BACH1: variants seen among roughly 807,000 people sequenced by gnomAD.
BACH1 encodes the protein transcription regulator protein BACH1.
BACH1 carries 35 observed loss-of-function variants against 52.9 expected under a neutral mutation model. The ratio of observed to expected loss-of-function variants is 0.66; its 90% CI spans 0.51 to 0.88. The LOEUF is 0.88. Ranked by LOEUF, BACH1 falls within the 40% of genes least tolerant of loss-of-function variation. The pLI is 0.00. For missense variants in BACH1, 808 were observed against 872.6 expected (o/e 0.93, Z 0.93); for synonymous variants, 321 against 319.6 (o/e 1.00, Z -0.05).
Position 29,344,984 on chromosome 21 carries a change from A to C in BACH1, c.*2151A>C, listed in dbSNP as rs1226660154. ...ATATAATTTGTAAAGCACTTGGTTT[A>C]AATTTCTCTCTACCTATAAACAGTT... On this transcript the variant is annotated 3_prime_UTR_variant, in exon 5 of 5. Coordinates refer to ENST00000286800, the MANE Select transcript of BACH1 (RefSeq NM_001186.4). 13 of 152,624 alleles carry C rather than the reference A, an allele frequency of 8.5e-5. No individual in the cohort carries two copies. Among genetic ancestry groups the C allele is most frequent in the Admixed American group, 7.2e-4 (11 of 15,284 alleles). The allele number at this position is 152,624 out of a possible 1,614,324, so 9.5% of individuals were successfully genotyped here. A position where few individuals can be genotyped will look rare whatever the true frequency, so the allele number is the denominator to read the frequency against.
At chr21:29,302,016 G>A (rs1178508328) in intron 1 of BACH1, among the ~76,000 whole-genome samples, 1 of 152,168 alleles carries the variant, frequency 6.6e-6, no homozygotes, top group Non-Finnish European at 1.5e-5. Flanking sequence ...TGCAAAGCCC[G>A]TTAAAATTAC....
downstream of BACH1, among the ~76,000 whole-genome samples, chr21:29,347,365 G>C (rs890377158): frequency 2.0e-5 from 3 of 152,202 alleles, no homozygotes; most frequent in African/African-American, 7.2e-5. Context: ...AGTAAGGGGT[G>C]GGCCGAGCCA....
chr21:29,336,210 A>T (rs141667940), intron 4 of BACH1, among the ~76,000 whole-genome samples: 1 of 152,198 alleles, frequency 6.6e-6, no homozygotes, highest in African/African-American at 2.4e-5. Flanking sequence ...TGGATTTCTC[A>T]TAAATGTCTT....
intron 2 of BACH1, among the ~76,000 whole-genome samples, chr21:29,356,580 C>T (rs900901461): frequency 1.8e-4 from 27 of 152,334 alleles, no homozygotes; most frequent in African/African-American, 6.0e-4. Context: ...AAGGGAGTTC[C>T]TCCTAGATCT....
rs774968854 is a variant in BACH1, at chr21:29,321,410, C to A, written c.130C>A (p.Arg44=). The change falls in exon 2 of 5, where the codon CGG becomes AGG. Residue 44 remains arginine, a synonymous_variant. Transcript: ENST00000286800. The stretch of plus-strand genomic sequence containing the variant: ...TGTCACCATCTTTGTGGAGGGACAG[C>A]GGTTCCGCGCTCACCGGTCCGTGCT... ...CDVTIFVEGQ[R]FRAHRSVLAA... The A allele has an allele frequency of 1.2e-6, 2 of 1,614,070 alleles. No individual in the cohort carries two copies. Among genetic ancestry groups the A allele is most frequent in the Admixed American group, 1.7e-5 (1 of 60,004 alleles).
At chr21:29,316,440 C>A (rs2088787696) in intron 1 of BACH1, among the ~76,000 whole-genome samples, 1 of 152,080 alleles carries the variant, frequency 6.6e-6, no homozygotes, top group Non-Finnish European at 1.5e-5. Flanking sequence ...TGAATGATAA[C>A]AATAGTATTA....
downstream of BACH1, among the ~76,000 whole-genome samples, chr21:29,348,278 C>A (rs1047621815): frequency 6.6e-6 from 1 of 151,888 alleles, no homozygotes; most frequent in Non-Finnish European, 1.5e-5. Context: ...GAGGCTGAGT[C>A]TCTGATGTGC....
chr21:29,323,139 T>C (rs1306568737), intron 2 of BACH1, among the ~76,000 whole-genome samples: 2 of 152,222 alleles, frequency 1.3e-5, no homozygotes, highest in Non-Finnish European at 2.9e-5. Context: ...TTTAACATAT[T>C]TAAAAATTTT....
At chr21:29,304,991 T>A (rs1169504284) in intron 1 of BACH1, among the ~76,000 whole-genome samples, 1 of 152,156 alleles carries the variant, frequency 6.6e-6, no homozygotes, top group Non-Finnish European at 1.5e-5. Context: ...AATATTATTT[T>A]AAAAAATGTA....
At chr21:29,337,364 A>T (rs1001108097) in intron 4 of BACH1, among the ~76,000 whole-genome samples, 1 of 152,218 alleles carries the variant, frequency 6.6e-6, no homozygotes, top group Non-Finnish European at 1.5e-5. Flanking sequence ...TCATTATATC[A>T]TGAATTCATA....
intron 4 of BACH1, 89 bp downstream of exon 4, chr21:29,329,782 A>C (rs1270599562): frequency 2.0e-6 from 2 of 977,182 alleles, no homozygotes; most frequent in African/African-American, 3.4e-5. Context: ...GGTCAGATAT[A>C]ATGCTCAATT....
intron 3 of BACH1, among the ~76,000 whole-genome samples, chr21:29,329,235 G>GA (rs1373152289): frequency 1.3e-5 from 2 of 152,164 alleles, no homozygotes; most frequent in African/African-American, 4.8e-5. Flanking sequence ...TTGAGCCTAG[G>GA]AGGTTGAGGC....
At chr21:29,339,655 C>CA (rs2089088743) in intron 4 of BACH1, among the ~76,000 whole-genome samples, 1 of 110,474 alleles carries the variant, frequency 9.1e-6, no homozygotes, top group Non-Finnish European at 1.7e-5. Flanking sequence ...TTTTTTGAGA[C>CA]AGAGTCTTGC....
downstream of BACH1, among the ~76,000 whole-genome samples, chr21:29,348,462 C>G (rs915504046): frequency 6.6e-6 from 1 of 150,724 alleles, no homozygotes; most frequent in African/African-American, 2.5e-5. Flanking sequence ...TCAATAGTAT[C>G]TGGAAAAAAA....
Position 29,330,965 on chromosome 21 carries a change from A to G in BACH1, c.1776+1272A>G, listed in dbSNP as rs1000356452. Among the ~76,000 whole-genome samples, 4 of 151,904 alleles carry G rather than the reference A, an allele frequency of 2.6e-5. No homozygotes were observed. In the East Asian group the frequency reaches 7.7e-4, roughly 29 times the overall value. On this transcript the variant is annotated intron_variant, in intron 4 of 4. Coordinates refer to ENST00000286800, the MANE Select transcript of BACH1 (RefSeq NM_001186.4). ...AGGCATGAGAGATGTTAAAAAAAAAAACAAAAAACCCAAACACCGACATGA... is the reference window on the plus strand; with the variant it reads ...AGGCATGAGAGATGTTAAAAAAAAAGACAAAAAACCCAAACACCGACATGA...
At chr21:29,335,053 C>T (rs920835896) in intron 4 of BACH1, among the ~76,000 whole-genome samples, 11 of 152,100 alleles carry the variant, frequency 7.2e-5, no homozygotes, top group Non-Finnish European at 4.4e-5. Flanking sequence ...TTGTTAAGGC[C>T]CTGGACCTTG....
At chr21:29,335,868 G>A (rs2089038700) in intron 4 of BACH1, among the ~76,000 whole-genome samples, 1 of 151,908 alleles carries the variant, frequency 6.6e-6, no homozygotes, top group Non-Finnish European at 1.5e-5. Context: ...TCCTCACTCT[G>A]GCTCTCTTCC....
Position 29,342,771 on chromosome 21 carries a change from C to CG in BACH1, c.2149_2150insG (p.Gln717ArgfsTer14). The stretch of plus-strand genomic sequence containing the variant: ...AGCTGGGCCTGCGGAACAGTGTCGT[C>CG]AGAGTGGTGGGATCTCAGATTTCTG... On this transcript the variant is annotated frameshift_variant, in exon 5 of 5. Coordinates refer to ENST00000286800, the MANE Select transcript of BACH1 (RefSeq NM_001186.4). LOFTEE classifies it high-confidence loss of function. 1 of 1,613,516 alleles carries CG rather than the reference C, an allele frequency of 6.2e-7. No homozygotes were observed. Among genetic ancestry groups the CG allele is most frequent in the Non-Finnish European group, 8.5e-7 (1 of 1,179,500 alleles).
downstream of BACH1, among the ~76,000 whole-genome samples, chr21:29,349,275 A>C (rs1180012487): frequency 1.3e-5 from 2 of 152,204 alleles, no homozygotes; most frequent in Non-Finnish European, 2.9e-5. Context: ...AGAAGCTAGA[A>C]CCTTACAAGC....
Sources: gnomAD v4.1 joint callset for allele counts (sites outside exome capture counted in the v4.1 genomes callset) on GRCh38, gnomAD v4.1.1 for gene constraint, MANE v1.5 for transcripts, NCBI Gene and HGNC (gene_info 2026-07-23, HGNC 2026-07-21) for gene names.